Variants in INIP observed in about 807,000 individuals in gnomAD.
INIP encodes the protein SOSS complex subunit C.
A neutral mutation model predicts 14.0 loss-of-function variants in INIP; 9 were observed. The observed-to-expected ratio is 0.64, with a 90% CI of 0.39 to 1.12. INIP has a LOEUF of 1.12. INIP is among the 50% of genes most tolerant of loss of function. INIP has a pLI of 0.01. For missense variants in INIP, 78 were observed against 122.7 expected, an observed-to-expected ratio of 0.64 and a Z score of 1.72; for synonymous variants, 37 against 41.5, an observed-to-expected ratio of 0.89 and a Z score of 0.41.
At chr9:112,703,343 C>T (rs1428318702) in intron 2 of INIP, among the ~76,000 whole-genome samples, 1 of 152,190 alleles carries the variant, frequency 6.6e-6, no homozygotes, top group Non-Finnish European at 1.5e-5. Flanking sequence ...TCTGTCACTA[C>T]AGTGGCCAGC....
chr9:112,715,133 TACACACACACACACACACACACACACAC>T (rs58647648), intron 2 of INIP, among the ~76,000 whole-genome samples: 2 of 133,434 alleles, frequency 1.5e-5, no homozygotes, highest in African/African-American at 5.7e-5. Context: ...CATACATACA[TACACACACACACACACACACACACACAC>T]ACACACACAC....
At chr9:112,702,181 T>C (rs1257964866) in intron 2 of INIP, among the ~76,000 whole-genome samples, 1 of 152,224 alleles carries the variant, frequency 6.6e-6, no homozygotes, top group Non-Finnish European at 1.5e-5. Context: ...TGGAAAATCC[T>C]GATCTGTTGT....
In INIP at chr9:112,685,913, A is replaced by C. The variant is rs1399274923; in HGVS notation, c.*1625T>G. The C allele has an allele frequency of 6.6e-6, 1 of 152,144 alleles. No homozygotes were observed. Among genetic ancestry groups the C allele is most frequent in the Non-Finnish European group, 1.5e-5 (1 of 68,030 alleles). 9.4% of individuals were successfully genotyped at this position (152,144 alleles called of 1,614,324 possible). A position where few individuals can be genotyped will look rare whatever the true frequency, so the allele number is the denominator to read the frequency against. ...ATGAAGGAAATCAGTTCAAATTCTA[A>C]AAAAAACCTACATGGCACAGCCAAT... On this transcript the variant is annotated 3_prime_UTR_variant, in exon 5 of 5. Coordinates refer to ENST00000374242, the MANE Select transcript of INIP (RefSeq NM_021218.3).
intron 2 of INIP, among the ~76,000 whole-genome samples, chr9:112,708,783 A>G (rs1001792290): frequency 2.0e-5 from 3 of 150,682 alleles, no homozygotes; most frequent in African/African-American, 7.3e-5. Context: ...AGCAGCCTCA[A>G]CCTCCCATAC....
At chr9:112,717,455 A>G (rs1436136809) in intron 1 of INIP, among the ~76,000 whole-genome samples, 1 of 152,164 alleles carries the variant, frequency 6.6e-6, no homozygotes, top group Non-Finnish European at 1.5e-5. Flanking sequence ...GGGGAGATCC[A>G]AGATGAGCAA....
chr9:112,705,052 A>C (rs1321256543), intron 2 of INIP, among the ~76,000 whole-genome samples: 1 of 145,356 alleles, frequency 6.9e-6, no homozygotes, highest in East Asian at 2.1e-4. Flanking sequence ...TCAAAGCTGC[A>C]GTGAGCCATG....
chr9:112,704,500 T>A (rs1448196979), intron 2 of INIP, among the ~76,000 whole-genome samples: 2 of 152,118 alleles, frequency 1.3e-5, no homozygotes, highest in African/African-American at 4.8e-5. Context: ...TAACAGTCTA[T>A]GAGAAAGGCA....
At chr9:112,704,593 A>T (rs890302427) in intron 2 of INIP, among the ~76,000 whole-genome samples, 8 of 152,258 alleles carry the variant, frequency 5.3e-5, no homozygotes, top group African/African-American at 1.9e-4. Flanking sequence ...TAGGTTGCCC[A>T]TCAACACAGT....
At chr9:112,705,666 A>G (rs1838438689) in intron 2 of INIP, among the ~76,000 whole-genome samples, 2 of 152,228 alleles carry the variant, frequency 1.3e-5, no homozygotes, top group Non-Finnish European at 2.9e-5. Context: ...AAGTAGGTTT[A>G]CTAAACTGAG....
intron 2 of INIP, among the ~76,000 whole-genome samples, chr9:112,695,805 G>GAGGAGAAGAAGA (rs199557079): frequency 2.8e-5 from 4 of 143,014 alleles, no homozygotes; most frequent in African/African-American, 5.1e-5. Context: ...GGAGGAGGAG[G>GAGGAGAAGAAGA]AGGAGAAGAA....
chr9:112,694,403 C>T (rs1011767143), intron 2 of INIP, among the ~76,000 whole-genome samples, 170 bp from the exon 3 acceptor site: 3 of 152,124 alleles, frequency 2.0e-5, no homozygotes, highest in Non-Finnish European at 4.4e-5. Context: ...TTACTTCTTC[C>T]CTCCTACTTC....
intron 2 of INIP, among the ~76,000 whole-genome samples, chr9:112,698,468 T>C (rs949697003): frequency 7.9e-5 from 12 of 152,172 alleles, no homozygotes; most frequent in African/African-American, 2.9e-4. Flanking sequence ...TGTATGGCAA[T>C]CTGATGGTAA....
chr9:112,687,483 T>C lies in INIP; in HGVS notation c.*55A>G, dbSNP rs754406239. Reference sequence around the variant, plus strand: ...TCACAGTTCATGTAGCACTGAATGATAGTAGCTTTGGCATTTGATATTACA... The same window carrying C: ...TCACAGTTCATGTAGCACTGAATGACAGTAGCTTTGGCATTTGATATTACA... On this transcript the variant is annotated 3_prime_UTR_variant, in exon 5 of 5. Transcript: ENST00000374242. 1.0e-5 allele frequency: 11 copies of C among 1,078,162 alleles called. No individual in the cohort carries two copies. The highest frequency in any genetic ancestry group is 7.8e-5 in the African/African-American group (5 of 64,494). 66.8% of individuals were successfully genotyped at this position (1,078,162 alleles called of 1,614,324 possible).
At chr9:112,714,507 T>C (rs1838745395) in intron 2 of INIP, among the ~76,000 whole-genome samples, 1 of 152,184 alleles carries the variant, frequency 6.6e-6, no homozygotes, top group Non-Finnish European at 1.5e-5. Context: ...TTGATTTGTT[T>C]TGGAGCTATC....
chr9:112,713,265 A>T (rs1175190036), intron 2 of INIP, among the ~76,000 whole-genome samples: 1 of 152,252 alleles, frequency 6.6e-6, no homozygotes, highest in Non-Finnish European at 1.5e-5. Context: ...ACTACTTCAT[A>T]CATTCTAGAA....
chr9:112,716,591 A>G, intron 1 of INIP, 50 bp from the exon 2 acceptor site: 1 of 905,518 alleles, frequency 1.1e-6, no homozygotes, highest in Non-Finnish European at 1.8e-6. Context: ...TTTAATCACA[A>G]ACTAAAAGGA....
intron 2 of INIP, among the ~76,000 whole-genome samples, chr9:112,715,368 T>C (rs1026497278): frequency 7.9e-5 from 12 of 152,240 alleles, no homozygotes; most frequent in Non-Finnish European, 5.9e-5. Flanking sequence ...ACTAAATTTA[T>C]TCAATTTTTC....
chr9:112,692,982 T>C (rs955138434), intron 3 of INIP, among the ~76,000 whole-genome samples: 3 of 149,618 alleles, frequency 2.0e-5, no homozygotes, highest in Admixed American at 6.7e-5. Context: ...TGAGTTATGA[T>C]TGTGCCACTC....
intron 2 of INIP, among the ~76,000 whole-genome samples, chr9:112,695,297 G>GA (rs1194736435): frequency 6.6e-6 from 1 of 151,210 alleles, no homozygotes. Context: ...GATGGCTCAG[G>GA]AGACTGGAAT....
Sources: gnomAD v4.1 joint callset for allele counts (sites outside exome capture counted in the v4.1 genomes callset) on GRCh38, gnomAD v4.1.1 for gene constraint, MANE v1.5 for transcripts, NCBI Gene and HGNC (gene_info 2026-07-23, HGNC 2026-07-21) for gene names.